Variants in PILRA observed in about 807,000 individuals in gnomAD.
PILRA encodes paired immunoglobulin-like type 2 receptor alpha.
In PILRA, 37 loss-of-function variants were observed where a neutral mutation model predicts 33.1. That is an observed-to-expected ratio of 1.12 (90% CI 0.86 to 1.47). The LOEUF (loss-of-function observed/expected upper bound fraction) is 1.47, where lower values mean the gene tolerates loss of function less well. PILRA is among the 40% of genes most tolerant of loss of function. The pLI, the probability that PILRA is intolerant of heterozygous loss-of-function variation, is 0.00. For synonymous variants in PILRA, 146 were observed against 149.9 expected (o/e 0.97, Z 0.19); for missense variants, 312 against 376.2 (o/e 0.83, Z 1.41).
chr7:100,382,224 TTA>T (rs1791122045), intron 2 of PILRA, among the ~76,000 whole-genome samples: 1 of 152,176 alleles, frequency 6.6e-6, no homozygotes, highest in African/African-American at 2.4e-5. Flanking sequence ...GGAGAAACCT[TTA>T]TGTCTAGCTA....
chr7:100,387,496 G>A (rs1253961201), intron 2 of PILRA, among the ~76,000 whole-genome samples: 1 of 152,194 alleles, frequency 6.6e-6, no homozygotes. Context: ...TTACAGGCAT[G>A]AGCCACTGTG....
chr7:100,397,733 A>T, intron 3 of PILRA, 146 bp from the exon 4 acceptor site: 1 of 774,746 alleles, frequency 1.3e-6, no homozygotes, highest in Non-Finnish European at 2.2e-6. Flanking sequence ...GCTGAGTCCC[A>T]GGCCCTTCCT....
At chr7:100,388,419 A>C (rs1302188374) in intron 2 of PILRA, among the ~76,000 whole-genome samples, 6 of 152,030 alleles carry the variant, frequency 3.9e-5, no homozygotes, top group Non-Finnish European at 8.8e-5. Flanking sequence ...TAGGTTTTTT[A>C]CAGATGTGTT....
At chr7:100,386,569 G>A (rs1321862105) in intron 2 of PILRA, among the ~76,000 whole-genome samples, 1 of 151,930 alleles carries the variant, frequency 6.6e-6, no homozygotes, top group Non-Finnish European at 1.5e-5. Flanking sequence ...CCAGACTGGA[G>A]TGCAGTGGCA....
In PILRA at chr7:100,399,921, C is replaced by T; in HGVS notation, c.*14C>T. The T allele has an allele frequency of 1.3e-6, 2 of 1,584,106 alleles. No homozygotes were observed. The highest frequency in any genetic ancestry group is 1.8e-5 in the Admixed American group (1 of 54,702). On this transcript the variant is annotated 3_prime_UTR_variant, in exon 7 of 7. Transcript: ENST00000198536. ...TTAAAGGCCTAACCAATGGACAGCCCTCTCAAGACTGAATGGTGAGGCCAG... is the reference window on the plus strand; with the variant it reads ...TTAAAGGCCTAACCAATGGACAGCCTTCTCAAGACTGAATGGTGAGGCCAG...
intron 6 of PILRA, 55 bp from the exon 7 acceptor site, chr7:100,399,730 A>T (rs200200797): frequency 1.4e-5 from 23 of 1,612,210 alleles, no homozygotes; most frequent in Non-Finnish European, 2.0e-5. Flanking sequence ...TGCCGCTAAG[A>T]TGGGAACAGC....
chr7:100,389,850 C>T, intron 2 of PILRA, 38 bp from the exon 3 acceptor site: 1 of 1,574,804 alleles, frequency 6.3e-7, no homozygotes, highest in Non-Finnish European at 8.7e-7. Context: ...ACCCTGTGCC[C>T]CCAGGGGAGG....
At chr7:100,379,782 T>G (rs780814894) in intron 2 of PILRA, among the ~76,000 whole-genome samples, 13 of 152,094 alleles carry the variant, frequency 8.5e-5, no homozygotes, top group Admixed American at 6.6e-4. Context: ...CAAAGGGAAT[T>G]TTTTAAGAAA....
At chr7:100,376,340 T>G (rs926715369) in intron 2 of PILRA, 5 of 152,204 alleles carry the variant, frequency 3.3e-5, no homozygotes, top group African/African-American at 9.7e-5. Flanking sequence ...TAATTCCTGC[T>G]TGCTTTTCTC....
intron 4 of PILRA, among the ~76,000 whole-genome samples, chr7:100,398,848 C>T (rs748683311): frequency 3.9e-5 from 6 of 152,158 alleles, no homozygotes; most frequent in Admixed American, 6.5e-5. Flanking sequence ...GAGTCTAAAA[C>T]CATCACACCC....
chr7:100,382,554 GGACCAATCAGCTCTCTGTAAAACA>G lies in PILRA; in HGVS notation c.455-7325_455-7302del, dbSNP rs573495933. Among the ~76,000 whole-genome samples, 237 of 152,234 alleles carry G rather than the reference GGACCAATCAGCTCTCTGTAAAACA, an allele frequency of 1.6e-3. 1 individual carries two copies. Among genetic ancestry groups the G allele is most frequent in the Middle Eastern group, 6.8e-3 (2 of 294 alleles). ...GCAACAATCAGCACCCTGTCAAAAC[GGACCAATCAGCTCTCTGTAAAACA>G]GACCAATCGGCTCTCTGTAAAATAG... On this transcript the variant is annotated intron_variant, in intron 2 of 6. Coordinates refer to ENST00000198536, the MANE Select transcript of PILRA (RefSeq NM_013439.3).
Position 100,394,593 on chromosome 7 carries a change from CAAAAA to C in PILRA, c.674-3266_674-3262del, listed in dbSNP as rs60131231. 1.3e-3 allele frequency among the ~76,000 whole-genome samples: 61 copies of C among 47,336 alleles called. No individual in the cohort carries two copies. The East Asian group carries it at 0.045, about 35-fold the overall frequency. 31.1% of individuals were successfully genotyped at this position (47,336 alleles called of 152,430 possible). A position where few individuals can be genotyped will look rare whatever the true frequency, so the allele number is the denominator to read the frequency against. On this transcript the variant is annotated intron_variant, in intron 3 of 6. Transcript: ENST00000198536. ...TGGGTGACAGAGTGAGATTCTATCT[CAAAAA>C]AAAAAAAAAAAAAAAAAAAGGAGCT...
intron 2 of PILRA, among the ~76,000 whole-genome samples, chr7:100,386,010 A>G (rs956553152): frequency 1.3e-5 from 2 of 151,324 alleles, no homozygotes; most frequent in African/African-American, 4.9e-5. Flanking sequence ...GCTCACTGCA[A>G]TCTCTGCCTC....
intron 3 of PILRA, among the ~76,000 whole-genome samples, chr7:100,391,968 C>T: frequency 6.6e-6 from 1 of 152,170 alleles, no homozygotes; most frequent in East Asian, 1.9e-4. Flanking sequence ...ATGAGTTCCA[C>T]CCCAACATCC....
At chr7:100,379,029 C>T (rs1791017192) in intron 2 of PILRA, among the ~76,000 whole-genome samples, 1 of 146,848 alleles carries the variant, frequency 6.8e-6, no homozygotes, top group Non-Finnish European at 1.5e-5. Flanking sequence ...GGAGGCGGAG[C>T]TTGCAGTGAG....
chr7:100,371,343 T>C (rs1009419605), upstream of PILRA, among the ~76,000 whole-genome samples: 2 of 152,180 alleles, frequency 1.3e-5, no homozygotes, highest in South Asian at 4.1e-4. Flanking sequence ...TCATTCTTCA[T>C]TTGTAAAGGC....
chr7:100,376,361 A>G (rs1447443378), intron 2 of PILRA: 1 of 151,708 alleles, frequency 6.6e-6, no homozygotes, highest in African/African-American at 2.4e-5. Flanking sequence ...ACCTCTCTGC[A>G]TAGGTCAGAT....
At chr7:100,380,654 A>G (rs1189390135) in intron 2 of PILRA, among the ~76,000 whole-genome samples, 1 of 152,152 alleles carries the variant, frequency 6.6e-6, no homozygotes, top group African/African-American at 2.4e-5. Flanking sequence ...GTCTCTATAA[A>G]AAAATACAAT....
rs139663701 is a variant in PILRA at position 100,389,997 on chromosome 7, C to G, written c.564C>G (p.Asp188Glu). The G allele has an allele frequency of 3.1e-6, 5 of 1,614,122 alleles. No homozygotes were observed. The highest frequency in any genetic ancestry group is 2.5e-6 in the Non-Finnish European group (3 of 1,179,996). Residue 188 changes from aspartate to glutamate, a missense_variant, in exon 3 of 7, where the codon GAC (aspartate) becomes GAG (glutamate). Asp to Glu is a conservative substitution (Grantham distance 45). Transcript: ENST00000198536. ...TCACACAGGGCAAACGACGCTCAGACTCTTGGCACATAAGTCTGGAGACTG... is the reference window on the plus strand; with the variant it reads ...TCACACAGGGCAAACGACGCTCAGAGTCTTGGCACATAAGTCTGGAGACTG... ...LRVTQGKRRS[D>E]SWHISLETAV...
Sources: gnomAD v4.1 joint callset for allele counts (sites outside exome capture counted in the v4.1 genomes callset) on GRCh38, gnomAD v4.1.1 for gene constraint, MANE v1.5 for transcripts, NCBI Gene and HGNC (gene_info 2026-07-23, HGNC 2026-07-21) for gene names.